The following PLXNA4 variants were observed in gnomAD, a reference collection of about 807,000 sequenced individuals.
PLXNA4 encodes the protein plexin A4, also known as plexin-A4.
In PLXNA4, 44 loss-of-function variants were observed where a neutral mutation model predicts 191.8. The observed-to-expected ratio is 0.23, with a 90% CI of 0.18 to 0.29. The LOEUF (loss-of-function observed/expected upper bound fraction) is 0.29. Ranked by LOEUF, PLXNA4 falls within the 10% of genes least tolerant of loss-of-function variation. The pLI is 1.00. For missense variants in PLXNA4, 1,800 were observed against 2,488.8 expected (o/e 0.72, Z 5.89); for synonymous variants, 1,082 against 1,009.5 (o/e 1.07, Z -1.36).
intron 27 of PLXNA4, among the ~76,000 whole-genome samples, chr7:132,147,216 A>AGTGTT (rs1795461094): frequency 6.6e-6 from 1 of 152,192 alleles, no homozygotes. Flanking sequence ...GTGTTTGTGA[A>AGTGTT]GTGTTGTGAA....
intron 3 of PLXNA4, among the ~76,000 whole-genome samples, chr7:132,405,343 T>C (rs1463805139): frequency 1.3e-5 from 2 of 152,124 alleles, no homozygotes; most frequent in African/African-American, 4.8e-5. Flanking sequence ...CTGCTCTTAC[T>C]TAGGAAATCC....
chr7:132,228,025 T>C (rs1411272560), intron 6 of PLXNA4, among the ~76,000 whole-genome samples: 2 of 152,188 alleles, frequency 1.3e-5, no homozygotes, highest in Non-Finnish European at 2.9e-5. Context: ...ACATGCATCT[T>C]TCCCATTTTA....
In PLXNA4 at chr7:132,277,236, A is replaced by G. The variant is rs551590428; in HGVS notation, c.1503+20855T>C. The stretch of plus-strand genomic sequence containing the variant: ...GCTTAAGTGGGGGAAGCTGGATCTC[A>G]GGAGTTTGACCCAGGCTCCAATTGG... On this transcript the variant is annotated intron_variant, in intron 4 of 31. Transcript: ENST00000321063. 2.0e-5 allele frequency among the ~76,000 whole-genome samples: 3 copies of G among 152,312 alleles called. No individual in the cohort carries two copies. In the South Asian group the frequency reaches 6.2e-4, roughly 32 times the overall value.
chr7:132,600,804 ATATTT>A (rs1802803623), intron 2 of PLXNA4, among the ~76,000 whole-genome samples: 1 of 152,060 alleles, frequency 6.6e-6, no homozygotes, highest in South Asian at 2.1e-4. Flanking sequence ...TTTAAATTTC[ATATTT>A]TATTATTTGT....
chr7:132,401,623 G>A (rs994255619), intron 3 of PLXNA4, among the ~76,000 whole-genome samples: 6 of 152,204 alleles, frequency 3.9e-5, no homozygotes, highest in African/African-American at 1.4e-4. Context: ...AATCAGGACG[G>A]GGCATAAGTG....
chr7:132,541,518 A>T (rs1800085247), intron 1 of PLXNA4, among the ~76,000 whole-genome samples: 1 of 152,252 alleles, frequency 6.6e-6, no homozygotes. Flanking sequence ...CAGGGAGATT[A>T]TGTCTTGATA....
Position 132,181,629 on chromosome 7 carries a change from G to A in PLXNA4, c.3253-9C>T. ...TTCAGAACCTCACAGATCTGTGGGA[G>A]GAGCCACAGAGTGGAGTCTATGCAG... is the stretch of plus-strand genomic sequence containing the variant. On this transcript the variant is annotated splice_polypyrimidine_tract_variant and intron_variant, in intron 17 of 31. Transcript: ENST00000321063. 1 of 1,613,612 alleles carries A rather than the reference G, an allele frequency of 6.2e-7. No homozygotes were observed. The highest frequency in any genetic ancestry group is 1.1e-5 in the South Asian group (1 of 91,050).
At chr7:132,154,020 C>T (rs1239540997) in intron 25 of PLXNA4, among the ~76,000 whole-genome samples, 2 of 152,182 alleles carry the variant, frequency 1.3e-5, no homozygotes, top group Admixed American at 6.5e-5. Flanking sequence ...CCAGCAAAAT[C>T]GACCTGCACA....
chr7:132,562,444 CT>C (rs1801234114), intron 1 of PLXNA4, among the ~76,000 whole-genome samples: 1 of 103,686 alleles, frequency 9.6e-6, no homozygotes, highest in African/African-American at 3.3e-5. Context: ...CCTCTTCATC[CT>C]CCTCCTCCTT....
chr7:132,288,836 T>A (rs1304099437), intron 4 of PLXNA4, among the ~76,000 whole-genome samples: 1 of 152,126 alleles, frequency 6.6e-6, no homozygotes, highest in Non-Finnish European at 1.5e-5. Context: ...CACAACAGCC[T>A]CTTCTATCAA....
chr7:132,266,468 G>A (rs901526966), intron 4 of PLXNA4: 4 of 152,158 alleles, frequency 2.6e-5, no homozygotes, highest in Non-Finnish European at 5.9e-5. Context: ...ACAAGCCTAC[G>A]AAACTCTTAA....
intron 4 of PLXNA4, among the ~76,000 whole-genome samples, chr7:132,244,077 G>T (rs1343631741): frequency 6.6e-6 from 1 of 152,118 alleles, no homozygotes; most frequent in Non-Finnish European, 1.5e-5. Flanking sequence ...TTTTCATTTA[G>T]GTGGGTCCAT....
At chr7:132,194,404 G>A (rs147042913) in intron 13 of PLXNA4, among the ~76,000 whole-genome samples, 1 of 152,344 alleles carries the variant, frequency 6.6e-6, no homozygotes, top group African/African-American at 2.4e-5. Context: ...GAGCCTAGAA[G>A]AGGGTCCCTG....
intron 3 of PLXNA4, among the ~76,000 whole-genome samples, chr7:132,330,193 G>T (rs773257182): frequency 2.6e-5 from 4 of 152,216 alleles, no homozygotes; most frequent in Non-Finnish European, 5.9e-5. Context: ...GAAGGACCTG[G>T]ATTGTTTGGG....
At chr7:132,201,978 G>T (rs966209321) in intron 12 of PLXNA4, among the ~76,000 whole-genome samples, 2 of 152,176 alleles carry the variant, frequency 1.3e-5, no homozygotes, top group Non-Finnish European at 2.9e-5. Context: ...CAGGCCCACC[G>T]CACATGTGAG....
chr7:132,543,728 G>A (rs1422697865), intron 1 of PLXNA4, among the ~76,000 whole-genome samples: 4 of 152,232 alleles, frequency 2.6e-5, no homozygotes, highest in African/African-American at 7.2e-5. Context: ...TTTAATAAGC[G>A]ATGGGGAGCC....
chr7:132,632,667 C>T (rs1030320483), intron 2 of PLXNA4, among the ~76,000 whole-genome samples: 2 of 152,046 alleles, frequency 1.3e-5, no homozygotes, highest in Non-Finnish European at 2.9e-5. Context: ...TTATATTTTG[C>T]CAAATAAGCA....
Position 132,561,518 on chromosome 7 carries a change from TTCTC to T in PLXNA4, c.-87+14900_-87+14903del, listed in dbSNP as rs1298185553. On this transcript the variant is annotated intron_variant, in intron 1 of 31. Coordinates refer to ENST00000321063, the MANE Select transcript of PLXNA4 (RefSeq NM_020911.2). ...CTCCTCCCCCACCTCCTCCTCCTCCTTCTCCTCCTCCTCCTTCTCCTCCTCCTTC... is the reference window on the plus strand; with the variant it reads ...CTCCTCCCCCACCTCCTCCTCCTCCTCTCCTCCTCCTTCTCCTCCTCCTTC... Among the ~76,000 whole-genome samples the T allele has an allele frequency of 1.3e-3, 149 of 114,652 alleles. 2 individuals carry two copies. The highest frequency in any genetic ancestry group is 4.9e-3 in the African/African-American group (142 of 28,698). 75.2% of individuals were successfully genotyped at this position (114,652 alleles called of 152,430 possible). A position where few individuals can be genotyped will look rare whatever the true frequency, so the allele number is the denominator to read the frequency against.
intron 13 of PLXNA4, among the ~76,000 whole-genome samples, chr7:132,195,622 T>G (rs1237196506): frequency 6.6e-6 from 1 of 152,156 alleles, no homozygotes; most frequent in African/African-American, 2.4e-5. Flanking sequence ...GTTTTTCCAA[T>G]ATAATGGGGG....
Sources: gnomAD v4.1 joint callset for allele counts (sites outside exome capture counted in the v4.1 genomes callset) on GRCh38, gnomAD v4.1.1 for gene constraint, MANE v1.5 for transcripts, NCBI Gene and HGNC (gene_info 2026-07-23, HGNC 2026-07-21) for gene names.